The following KIAA1549 variants were observed in gnomAD, a reference collection of about 807,000 sequenced individuals.
KIAA1549 encodes the protein UPF0606 protein KIAA1549.
A neutral mutation model predicts 156.4 loss-of-function variants in KIAA1549; 70 were observed. The ratio of observed to expected loss-of-function variants is 0.45; its 90% CI spans 0.37 to 0.55. The LOEUF (loss-of-function observed/expected upper bound fraction) is 0.55, where lower values mean the gene tolerates loss of function less well. KIAA1549 is among the 20% of genes least tolerant of loss of function. The pLI is 0.00. For missense variants in KIAA1549, 2,428 were observed against 2,540.9 expected, an observed-to-expected ratio of 0.96 and a Z score of 0.96; for synonymous variants, 1,103 against 1,066.4, an observed-to-expected ratio of 1.03 and a Z score of -0.67.
Position 138,881,562 on chromosome 7 carries a change from C to A in KIAA1549, c.4055G>T (p.Gly1352Val). 6.2e-7 allele frequency: 1 copy of A among 1,613,438 alleles called. No homozygotes were observed. The highest frequency in any genetic ancestry group is 1.1e-5 in the South Asian group (1 of 90,972). ...RQKLQIPSVK[G>V]FDFAKQHLGQ... is the part of the protein sequence containing the mutation. ...CAGATGCTGCTTAGCAAAATCGAAG[C>A]CCTTCACACTAGGGATCTGCAGCTG... is the stretch of plus-strand genomic sequence containing the variant. The change falls in exon 11 of 20, where the codon GGC becomes GTC. Residue 1352 changes from glycine (G) to valine (V), a missense_variant. Physicochemically the swap from Gly to Val is moderately radical, Grantham distance 109 (BLOSUM62 -3). This residue lies in a region of KIAA1549 where 762 missense variants were observed against 901.6 expected (regional missense o/e 0.85). Coordinates refer to ENST00000422774, the MANE Select transcript of KIAA1549 (RefSeq NM_001164665.2).
At chr7:138,874,209 G>A (rs1445795051) in intron 12 of KIAA1549, among the ~76,000 whole-genome samples, 1 of 151,618 alleles carries the variant, frequency 6.6e-6, no homozygotes, top group African/African-American at 2.4e-5. Context: ...GATTAATGCT[G>A]TGTGAATCCT....
intron 15 of KIAA1549, among the ~76,000 whole-genome samples, chr7:138,861,684 C>CA (rs368284549): frequency 1.4e-5 from 2 of 144,722 alleles, no homozygotes; most frequent in African/African-American, 2.6e-5. Context: ...AGACCCCCCC[C>CA]ATCTCTAAAA....
intron 6 of KIAA1549, among the ~76,000 whole-genome samples, chr7:138,906,588 T>C (rs1297809547): frequency 6.6e-6 from 1 of 152,180 alleles, no homozygotes; most frequent in Non-Finnish European, 1.5e-5. Context: ...TTCTCACTGA[T>C]ATGTGGGAGC....
intron 1 of KIAA1549, among the ~76,000 whole-genome samples, chr7:138,964,073 C>T (rs1813941190): frequency 2.0e-5 from 3 of 152,218 alleles, no homozygotes; most frequent in Non-Finnish European, 4.4e-5. Context: ...CCACACAACA[C>T]TGTAGGTTTT....
intron 17 of KIAA1549, among the ~76,000 whole-genome samples, chr7:138,846,401 G>A (rs1465067116): frequency 6.6e-6 from 1 of 151,964 alleles, no homozygotes; most frequent in African/African-American, 2.4e-5. Context: ...CAGGCGTGGT[G>A]GCGCGCACAA....
intron 5 of KIAA1549, among the ~76,000 whole-genome samples, chr7:138,908,040 C>T (rs1455678826): frequency 6.6e-6 from 1 of 152,116 alleles, no homozygotes; most frequent in Non-Finnish European, 1.5e-5. Flanking sequence ...AGCGCTCCGA[C>T]GAATTTTCCC....
At chr7:138,875,814 G>A (rs757063679) in intron 12 of KIAA1549, among the ~76,000 whole-genome samples, 12 of 151,678 alleles carry the variant, frequency 7.9e-5, no homozygotes, top group Non-Finnish European at 1.5e-4. Flanking sequence ...TTTGTCCCCC[G>A]AGACAGGGTC....
intron 15 of KIAA1549, among the ~76,000 whole-genome samples, chr7:138,863,407 GC>G (rs1810645473): frequency 6.6e-6 from 1 of 151,866 alleles, no homozygotes; most frequent in South Asian, 2.1e-4. Flanking sequence ...CTTAAACTTA[GC>G]CCCCTATCTG....
At chr7:138,912,232 C>A (rs1812190123) in intron 3 of KIAA1549, 140 bp downstream of exon 3, 1 of 706,588 alleles carries the variant, frequency 1.4e-6, no homozygotes, top group Admixed American at 2.1e-5. Context: ...AGAGGATGAG[C>A]AGGACTTAAC....
intron 1 of KIAA1549, among the ~76,000 whole-genome samples, chr7:138,976,260 AG>A (rs1814374191): frequency 6.6e-6 from 1 of 152,124 alleles, no homozygotes; most frequent in African/African-American, 2.4e-5. Flanking sequence ...TATTTTTAGT[AG>A]AGACCGGGTT....
chr7:138,980,796 G>C lies in KIAA1549; in HGVS notation c.187+287C>G, dbSNP rs150609233. Among the ~76,000 whole-genome samples, 424 of 152,348 alleles carry C rather than the reference G, an allele frequency of 2.8e-3. 3 individuals carry two copies. Among genetic ancestry groups the C allele is most frequent in the African/African-American group, 9.5e-3 (397 of 41,582 alleles). On this transcript the variant is annotated intron_variant, in intron 1 of 19. Transcript: ENST00000422774. ...CTGCAGGAAAAACCAGGCACATTCT[G>C]AGATGAAGCCACCAGACCCGCTTCG...
intron 4 of KIAA1549, among the ~76,000 whole-genome samples, chr7:138,909,983 C>G (rs1311613281): frequency 6.6e-6 from 1 of 152,050 alleles, no homozygotes; most frequent in Non-Finnish European, 1.5e-5. Flanking sequence ...CTGTTAACTT[C>G]ATATACATGT....
chr7:138,921,593 G>A lies in KIAA1549; in HGVS notation c.188-2155C>T, dbSNP rs150349532. ...TAAAAGATGGAAATTTGGGCCAGGC[G>A]CGGTGGCTCAGGCCTGTAATCCCAG... is the stretch of plus-strand genomic sequence containing the variant. On this transcript the variant is annotated intron_variant, in intron 1 of 19. Coordinates refer to ENST00000422774, the MANE Select transcript of KIAA1549 (RefSeq NM_001164665.2). Among the ~76,000 whole-genome samples, 598 of 152,240 alleles carry A rather than the reference G, an allele frequency of 3.9e-3. 5 individuals carry two copies. The highest frequency in any genetic ancestry group is 3.0e-3 in the Non-Finnish European group (201 of 68,008).
At chr7:138,946,801 T>C (rs2718139) in intron 1 of KIAA1549, among the ~76,000 whole-genome samples, 76,186 of 151,920 alleles carry the variant, frequency 0.5, 23,295 homozygotes, top group African/African-American at 0.88. Flanking sequence ...AATCCCTGAC[T>C]CCACCCCGTC....
chr7:138,837,268 G>T lies in KIAA1549; in HGVS notation c.*638C>A. 4.4e-6 allele frequency: 1 copy of T among 228,382 alleles called. No individual in the cohort carries two copies. The highest frequency in any genetic ancestry group is 8.7e-6 in the Non-Finnish European group (1 of 115,158). 14.1% of individuals were successfully genotyped at this position (228,382 alleles called of 1,614,324 possible). A position where few individuals can be genotyped will look rare whatever the true frequency, so the allele number is the denominator to read the frequency against. ...TCCATTTCAGACATGAAGGTGAAGGGCCCTTGGAGCTGTAGCACCAGAAGA... is the reference window on the plus strand; with the variant it reads ...TCCATTTCAGACATGAAGGTGAAGGTCCCTTGGAGCTGTAGCACCAGAAGA... On this transcript the variant is annotated 3_prime_UTR_variant, in exon 20 of 20. Transcript: ENST00000422774.
intron 1 of KIAA1549, among the ~76,000 whole-genome samples, chr7:138,962,842 C>T (rs151045268): frequency 6.6e-6 from 1 of 152,300 alleles, no homozygotes; most frequent in East Asian, 1.9e-4. Context: ...AATGAGGCTC[C>T]CCTTTAGCTT....
At chr7:138,930,948 A>G (rs1458754089) in intron 1 of KIAA1549, among the ~76,000 whole-genome samples, 1 of 152,180 alleles carries the variant, frequency 6.6e-6, no homozygotes, top group African/African-American at 2.4e-5. Context: ...CAAGTGAGAG[A>G]CATGCAACTC....
chr7:138,905,099 T>G lies in KIAA1549; in HGVS notation c.3461-18A>C. The G allele has an allele frequency of 6.5e-7, 1 of 1,533,124 alleles. No individual in the cohort carries two copies. Among genetic ancestry groups the G allele is most frequent in the Non-Finnish European group, 8.9e-7 (1 of 1,126,230 alleles). The allele number at this position is 1,533,124 out of a possible 1,614,324, so 95.0% of individuals were successfully genotyped here. On this transcript the variant is annotated intron_variant, in intron 6 of 19. Transcript: ENST00000422774. ...CTGGAAGGCTACAAAAGGGAAAGAA[T>G]TAGGGAAGGAGAAAAATATCTGTAA...
intron 1 of KIAA1549, among the ~76,000 whole-genome samples, chr7:138,931,773 A>AG (rs1563083112): frequency 1.4e-5 from 2 of 147,136 alleles, no homozygotes; most frequent in Non-Finnish European, 3.0e-5. Flanking sequence ...AAAAAAAAAA[A>AG]GAAGGTCTTG....
Sources: gnomAD v4.1 joint callset for allele counts (sites outside exome capture counted in the v4.1 genomes callset) on GRCh38, gnomAD v4.1.1 for gene constraint, gnomAD v4.1.1 regional missense constraint, MANE v1.5 for transcripts, NCBI Gene and HGNC (gene_info 2026-07-23, HGNC 2026-07-21) for gene names.